The following ANPEP variants were observed in gnomAD, a reference collection of about 807,000 sequenced individuals.
The protein encoded by ANPEP is aminopeptidase N.
ANPEP carries 70 observed loss-of-function variants against 114.6 expected under a neutral mutation model. The observed-to-expected ratio is 0.61, with a 90% CI of 0.50 to 0.75. ANPEP has a LOEUF of 0.75. Ranked by LOEUF, ANPEP falls within the 30% of genes least tolerant of loss-of-function variation. ANPEP has a pLI of 0.00. For synonymous variants in ANPEP, 548 were observed against 522.3 expected, an observed-to-expected ratio of 1.05 and a Z score of -0.67; for missense variants, 1,184 against 1,259.5, an observed-to-expected ratio of 0.94 and a Z score of 0.91.
At chr15:89,814,000 G>GGC (rs892573764) in intron 1 of ANPEP, among the ~76,000 whole-genome samples, 1 of 151,416 alleles carries the variant, frequency 6.6e-6, no homozygotes, top group African/African-American at 2.4e-5. Context: ...CTGGGGGGGG[G>GGC]GGGTGCGTTC....
rs746814863 is a variant in ANPEP, at chr15:89,801,528, G to A, written c.1649C>T (p.Pro550Leu). The A allele has an allele frequency of 8.1e-6, 13 of 1,614,082 alleles. No individual in the cohort carries two copies. The highest frequency in any genetic ancestry group is 1.3e-5 in the African/African-American group (1 of 74,928). The change falls in exon 11 of 21, where the codon CCG becomes CTG. Residue 550 changes from proline to leucine, a missense_variant. By Grantham distance (98) the Pro-to-Leu change is moderately conservative. Coordinates refer to ENST00000300060, the MANE Select transcript of ANPEP (RefSeq NM_001150.3). ...CGTGCTGGTATCCACCGTGATGACCGGGAAGCCCATCTGCAGGGTCCAGCG... is the reference window on the plus strand; with the variant it reads ...CGTGCTGGTATCCACCGTGATGACCAGGAAGCCCATCTGCAGGGTCCAGCG... ...MNRWTLQMGF[P>L]VITVDTSTGT...
intron 16 of ANPEP, 55 bp from the exon 17 acceptor site, chr15:89,792,617 A>T (rs1173433135): frequency 3.4e-6 from 5 of 1,474,978 alleles, no homozygotes; most frequent in Non-Finnish European, 4.7e-6. Context: ...GCCAAGATTC[A>T]CCTCTTGACA....
chr15:89,792,202 C>T lies in ANPEP; in HGVS notation c.2486G>A (p.Arg829Gln), dbSNP rs375147227. 20 of 1,614,072 alleles carry T rather than the reference C, an allele frequency of 1.2e-5. No homozygotes were observed. The highest frequency in any genetic ancestry group is 3.3e-5 in the South Asian group (3 of 91,086). Residue 829 changes from arginine (R) to glutamine (Q), a missense_variant, in exon 18 of 21, where the codon CGG (arginine) becomes CAG (glutamine). Arg to Gln is a conservative substitution (Grantham distance 43). Coordinates refer to ENST00000300060, the MANE Select transcript of ANPEP (RefSeq NM_001150.3). ...ATLVNEADKL[R>Q]AALACSKELW... ...CTCTTTGCTGCAGGCCAGGGCTGCC[C>T]GGAGCTTGTCAGCCTCATTGACCAG...
At chr15:89,795,777 A>G (rs1968715683) in intron 15 of ANPEP, among the ~76,000 whole-genome samples, 1 of 152,246 alleles carries the variant, frequency 6.6e-6, no homozygotes, top group Non-Finnish European at 1.5e-5. Context: ...AAACTCCTGG[A>G]AGATGTATTC....
Position 89,806,443 on chromosome 15 carries a change from G to A in ANPEP, c.141C>T (p.Ala47=). The A allele has an allele frequency of 6.2e-7, 1 of 1,613,934 alleles. No individual in the cohort carries two copies. The highest frequency in any genetic ancestry group is 8.5e-7 in the Non-Finnish European group (1 of 1,179,826). ...TGGCTGAGGCGGACGGGGTGGTGGA[G>A]GCCACGGGGGAGCTGTTGGCGTTCT... ...KNKNANSSPV[A]STTPSASATT... The change falls in exon 2 of 21, where the codon GCC becomes GCT. Residue 47 remains alanine (A), a synonymous_variant. Transcript: ENST00000300060. The surrounding 1 kb of genome is among the most constrained non-coding windows in gnomAD (Gnocchi z 5.7).
chr15:89,804,084 C>A, intron 6 of ANPEP, 82 bp from the exon 7 acceptor site: 1 of 1,564,026 alleles, frequency 6.4e-7, no homozygotes. Flanking sequence ...CCAGGGCTGG[C>A]CATCTGCCAG....
At position 89,804,552 on chromosome 15, in the gene ANPEP, C is replaced by G; in HGVS notation, c.963G>C (p.Thr321=). Residue 321 remains threonine (T), a synonymous_variant, in exon 5 of 21, where the codon ACG becomes ACC. Coordinates refer to ENST00000300060, the MANE Select transcript of ANPEP (RefSeq NM_001150.3). ...AGHGDYALNV[T]GPILNFFAGH... ...CAGCAAAGAAGTTAAGGATGGGGCC[C>G]GTCACGTTCAGGGCATAATCGCCGT... The G allele has an allele frequency of 6.2e-7, 1 of 1,614,074 alleles. No homozygotes were observed.
Position 89,792,445 on chromosome 15 carries a change from C to T in ANPEP, c.2360+7G>A, listed in dbSNP as rs1596161799. The T allele has an allele frequency of 6.2e-7, 1 of 1,613,840 alleles. No homozygotes were observed. The highest frequency in any genetic ancestry group is 1.3e-5 in the African/African-American group (1 of 74,998). On this transcript the variant is annotated splice_region_variant and intron_variant, in intron 17 of 20. Transcript: ENST00000300060. ...ACTGGCAGAGGAGGCGCAGGGGAGA[C>T]ACTCACGGGTTATTATTGGGGTTCT...
Position 89,804,484 on chromosome 15 carries a change from CA to C in ANPEP, c.1024+6del, listed in dbSNP as rs1567161033. On this transcript the variant is annotated splice_donor_region_variant and intron_variant, in intron 5 of 20. Coordinates refer to ENST00000300060, the MANE Select transcript of ANPEP (RefSeq NM_001150.3). ...CACTGCCTCCCTCCTCAAGGACCCC[CA>C]CTCACCTGATTTTGGGAGTGGGTAG... 5 of 1,614,230 alleles carry C rather than the reference CA, an allele frequency of 3.1e-6. No homozygotes were observed. The African/African-American group carries it at 5.3e-5, about 17-fold the overall frequency.
chr15:89,795,862 G>A (rs1308819120), intron 15 of ANPEP, among the ~76,000 whole-genome samples: 1 of 152,230 alleles, frequency 6.6e-6, no homozygotes, highest in Admixed American at 6.5e-5. Context: ...CTCCAAGCAT[G>A]GGAGCTGTGT....
At chr15:89,808,626 G>A (rs533724797) in intron 1 of ANPEP, among the ~76,000 whole-genome samples, 1 of 152,250 alleles carries the variant, frequency 6.6e-6, no homozygotes, top group South Asian at 2.1e-4. Flanking sequence ...GCCCCCAGAA[G>A]AAGTGCCTGC....
chr15:89,799,515 G>A lies in ANPEP; in HGVS notation c.1864C>T (p.Leu622=). The A allele has an allele frequency of 1.9e-6, 3 of 1,614,196 alleles. No homozygotes were observed. The highest frequency in any genetic ancestry group is 1.7e-6 in the Non-Finnish European group (2 of 1,180,034). The change falls in exon 13 of 21, where the codon CTG becomes TTG. Residue 622 remains leucine, a synonymous_variant. Coordinates refer to ENST00000300060, the MANE Select transcript of ANPEP (RefSeq NM_001150.3). This position sits in a 1 kb window ranked among gnomAD's most constrained non-coding sequence, Gnocchi z 4.2. ...FSTSGNEWVL[L]NLNVTGYYRV... ...TAATAGCCCGTCACATTGAGGTTCA[G>A]CAGGACCCACTCATTGCCTGATGTG...
chr15:89,802,847 A>G (rs868162938), intron 10 of ANPEP: 6 of 264,644 alleles, frequency 2.3e-5, no homozygotes, highest in South Asian at 2.1e-4. Flanking sequence ...AGCTGTGTGC[A>G]GAGACATGCC....
intron 15 of ANPEP, among the ~76,000 whole-genome samples, chr15:89,796,862 A>G (rs1968737811): frequency 6.6e-6 from 1 of 152,050 alleles, no homozygotes. Flanking sequence ...TACATATCAC[A>G]CCCTGAAATG....
At chr15:89,790,720 C>T (rs7167568) in intron 19 of ANPEP, among the ~76,000 whole-genome samples, 179 bp from the exon 20 acceptor site, 5,952 of 152,260 alleles carry the variant, frequency 0.039, 416 homozygotes, top group African/African-American at 0.14. Flanking sequence ...GAGTTCCTCA[C>T]TCCCCTCTCT....
At chr15:89,813,512 G>C (rs542812482) in intron 1 of ANPEP, among the ~76,000 whole-genome samples, 1 of 152,280 alleles carries the variant, frequency 6.6e-6, no homozygotes, top group African/African-American at 2.4e-5. Flanking sequence ...TGCACTCATA[G>C]TGTGGCCTTC....
intron 1 of ANPEP, among the ~76,000 whole-genome samples, chr15:89,810,875 C>T (rs12908545): frequency 1.3e-5 from 2 of 152,244 alleles, no homozygotes; most frequent in Non-Finnish European, 2.9e-5. Flanking sequence ...ACCTGCTTTT[C>T]CCCGCTTCAT....
chr15:89,790,631 AGAG>A, intron 19 of ANPEP, 90 bp from the exon 20 acceptor site: 4 of 1,204,338 alleles, frequency 3.3e-6, no homozygotes, highest in East Asian at 4.8e-5. Flanking sequence ...CCATGATTAT[AGAG>A]GAGATGAAAT....
At chr15:89,797,398 G>T in intron 15 of ANPEP, 177 bp downstream of exon 15, 1 of 915,338 alleles carries the variant, frequency 1.1e-6, no homozygotes, top group Non-Finnish European at 1.6e-6. Flanking sequence ...TCTTTCACCT[G>T]CGTGCTCTCA....
Sources: allele counts gnomAD v4.1 joint callset (sites outside exome capture counted in the v4.1 genomes callset), GRCh38; gene constraint gnomAD v4.1.1; non-coding constraint Gnocchi (gnomAD v3.1); transcripts MANE v1.5; gene names NCBI Gene and HGNC (gene_info 2026-07-23, HGNC 2026-07-21).